The following GNL3L variants were observed in gnomAD, a reference collection of about 807,000 sequenced individuals.
The protein encoded by GNL3L is G protein nucleolar 3 like, also known as guanine nucleotide-binding protein-like 3-like protein.
A neutral mutation model predicts 42.9 loss-of-function variants in GNL3L; 4 were observed. The ratio of observed to expected loss-of-function variants is 0.09; its 90% CI spans 0.05 to 0.21. GNL3L has a LOEUF of 0.21. GNL3L is among the 10% of genes least tolerant of loss of function. GNL3L has a pLI of 1.00. For synonymous variants in GNL3L, 159 were observed against 176.3 expected, an observed-to-expected ratio of 0.90 and a Z score of 0.78; for missense variants, 412 against 481.7, an observed-to-expected ratio of 0.86 and a Z score of 1.36.
chrX:54,640,240 C>T, the GNL3L span, among the ~76,000 whole-genome samples: 1 of 111,238 alleles, frequency 9.0e-6, no homozygotes, highest in Admixed American at 9.5e-5. Context: ...GGTTGATTGA[C>T]GGAAGGAAAA....
intron 10 of GNL3L, among the ~76,000 whole-genome samples, 153 bp from the exon 11 acceptor site, chrX:54,551,415 C>T (rs190264808): frequency 9.0e-6 from 1 of 111,395 alleles, no homozygotes; most frequent in Non-Finnish European, 1.9e-5. Context: ...CTGTAGAGCC[C>T]CAGTCACCCC....
chrX:54,580,013 T>TTTTTTA (rs1925689516), intron 16 of GNL3L, among the ~76,000 whole-genome samples: 1 of 99,794 alleles, frequency 1.0e-5, no homozygotes, highest in African/African-American at 3.7e-5. Context: ...TTTTTTTTTT[T>TTTTTTA]ATACTTTAAG....
At chrX:54,593,410 A>G (rs1316622377) in intron 16 of GNL3L, among the ~76,000 whole-genome samples, 1 of 111,579 alleles carries the variant, frequency 9.0e-6, no homozygotes, top group Non-Finnish European at 1.9e-5. Flanking sequence ...TTATTCACAT[A>G]TAGTTGTACA....
intron 16 of GNL3L, among the ~76,000 whole-genome samples, chrX:54,584,455 A>G (rs1925756208): frequency 8.9e-6 from 1 of 112,069 alleles, no homozygotes; most frequent in South Asian, 3.7e-4. Flanking sequence ...GATATATATC[A>G]CCTCAAGCAT....
At chrX:54,586,886 C>G (rs2147518238) in intron 16 of GNL3L, among the ~76,000 whole-genome samples, 1 of 111,304 alleles carries the variant, frequency 9.0e-6, no homozygotes, top group African/African-American at 3.3e-5. Context: ...GAGATCGGGC[C>G]CACTCAACTT....
At chrX:54,533,734 A>G (rs924191166) in intron 2 of GNL3L, among the ~76,000 whole-genome samples, 12 of 111,066 alleles carry the variant, frequency 1.1e-4, no homozygotes, top group African/African-American at 3.9e-4. Context: ...AAGTGCTGGA[A>G]TTGCAGGCGT....
At chrX:54,630,708 T>TTCTTTCTTTCTTTCTTTCTTTCTC in the GNL3L span, among the ~76,000 whole-genome samples, 1 of 58,651 alleles carries the variant, frequency 1.7e-5, no homozygotes, top group African/African-American at 9.4e-5. Flanking sequence ...CTTTCTTTCT[T>TTCTTTCTTTCTTTCTTTCTTTCTC]TTTCTTTCTT....
intron 9 of GNL3L, among the ~76,000 whole-genome samples, chrX:54,548,927 A>G (rs1924851041): frequency 9.0e-6 from 1 of 111,407 alleles, no homozygotes; most frequent in African/African-American, 3.3e-5. Flanking sequence ...CAGAGAACGC[A>G]CTGGGAAGCC....
chrX:54,572,753 G>T (rs934969609), intron 16 of GNL3L, among the ~76,000 whole-genome samples: 2 of 110,423 alleles, frequency 1.8e-5, no homozygotes, highest in African/African-American at 6.6e-5. Context: ...CCCAGACGGG[G>T]TGGCTGCCGG....
At chrX:54,545,380 T>TC (rs1924743477) in intron 8 of GNL3L, among the ~76,000 whole-genome samples, 1 of 108,677 alleles carries the variant, frequency 9.2e-6, no homozygotes, top group Non-Finnish European at 1.9e-5. Flanking sequence ...TGTGTTTTTT[T>TC]TTTTTAGTAG....
intron 9 of GNL3L, among the ~76,000 whole-genome samples, chrX:54,549,134 G>A (rs947256976): frequency 8.9e-6 from 1 of 111,784 alleles, no homozygotes; most frequent in Non-Finnish European, 1.9e-5. Context: ...CAAAGAATGA[G>A]AGAGAAAAAC....
chrX:54,572,801 CG>C (rs1284071283), intron 16 of GNL3L, among the ~76,000 whole-genome samples: 1 of 107,096 alleles, frequency 9.3e-6, no homozygotes, highest in Non-Finnish European at 1.9e-5. Context: ...GGGCAGCTGC[CG>C]GGCGGAGGGT....
intron 2 of GNL3L, among the ~76,000 whole-genome samples, chrX:54,538,761 G>C (rs1924523159): frequency 8.9e-6 from 1 of 111,751 alleles, no homozygotes; most frequent in African/African-American, 3.3e-5. Flanking sequence ...AGTTCTGGGG[G>C]AAAGAGGAGT....
chrX:54,532,024 C>A (rs1295480591), intron 1 of GNL3L, among the ~76,000 whole-genome samples: 1 of 110,857 alleles, frequency 9.0e-6, no homozygotes, highest in African/African-American at 3.3e-5. Context: ...GGGTAGACTC[C>A]TGAGATCTAT....
At chrX:54,549,212 T>TA (rs1203177922) in intron 9 of GNL3L, among the ~76,000 whole-genome samples, 1 of 111,507 alleles carries the variant, frequency 9.0e-6, no homozygotes, top group African/African-American at 3.3e-5. Context: ...AGGCTGTAGA[T>TA]ACAGAGGAAC....
intron 9 of GNL3L, among the ~76,000 whole-genome samples, chrX:54,549,631 GGAGGTTACAGTGAGTT>G (rs1359783918): frequency 8.9e-6 from 1 of 112,563 alleles, no homozygotes; most frequent in South Asian, 3.7e-4. Context: ...TCTGGGAGGT[GGAGGTTACAGTGAGTT>G]GAGGTTACAG....
chrX:54,607,012 C>CTTTCT lies in GNL3L; in HGVS notation c.*46-13830_*46-13826dup, dbSNP rs1569542575. Among the ~76,000 whole-genome samples, 96 of 37,414 alleles carry CTTTCT rather than the reference C, an allele frequency of 2.6e-3. 8 individuals carry two copies. The highest frequency in any genetic ancestry group is 0.021 in the African/African-American group (95 of 4,625). 32.5% of individuals were successfully genotyped at this position (37,414 alleles called of 115,157 possible). On this transcript the variant is annotated intron_variant, in intron 16 of 16. Transcript: ENST00000674498. ...TTTCCTTTCCTTTCTTTCTTTCTTT[C>CTTTCT]TTTCTTTCTTTCTTTCTTTCTTTCT... is the stretch of plus-strand genomic sequence containing the variant.
downstream of GNL3L, among the ~76,000 whole-genome samples, chrX:54,622,790 C>T (rs1398279316): frequency 1.8e-5 from 2 of 110,861 alleles, no homozygotes; most frequent in South Asian, 3.8e-4. Context: ...GAAACCATTG[C>T]CAAGTCCAGT....
At chrX:54,604,830 GAATT>G (rs1475626233) in intron 16 of GNL3L, among the ~76,000 whole-genome samples, 13 of 111,987 alleles carry the variant, frequency 1.2e-4, no homozygotes, top group Non-Finnish European at 2.4e-4. Context: ...TTGTACATGA[GAATT>G]AATAATAGCT....
Sources: gnomAD v4.1 joint callset for allele counts (sites outside exome capture counted in the v4.1 genomes callset) on GRCh38, gnomAD v4.1.1 for gene constraint, MANE v1.5 for transcripts, NCBI Gene and HGNC (gene_info 2026-07-23, HGNC 2026-07-21) for gene names.